Variants in DNASE1 observed in about 807,000 individuals in gnomAD.
DNASE1 encodes deoxyribonuclease-1.
Under a neutral mutation model 33.9 loss-of-function variants are expected in DNASE1, and 40 were observed. That is an observed-to-expected ratio of 1.18 (90% CI 0.92 to 1.54). DNASE1 has a LOEUF of 1.54. DNASE1 is among the 40% of genes most tolerant of loss of function. The pLI is 0.00. For synonymous variants in DNASE1, 216 were observed against 160.0 expected (o/e 1.35, Z -2.64); for missense variants, 518 against 372.6 (o/e 1.39, Z -3.21).
chr16:3,650,613 A>G (rs370885872), upstream of DNASE1: 5 of 149,216 alleles, frequency 3.4e-5, no homozygotes, highest in African/African-American at 7.4e-5. Flanking sequence ...CAAAAAAAAA[A>G]AAAAAAAGAA....
In DNASE1 at chr16:3,648,816, G is replaced by A. The variant is rs566358045; in HGVS notation, c.-86+5780G>A. ...TGTTTGCATGAATAAAAGATTGGATGTTTTATAGGATCTAAGGTCCATACA... is the reference window on the plus strand; with the variant it reads ...TGTTTGCATGAATAAAAGATTGGATATTTTATAGGATCTAAGGTCCATACA... On this transcript the variant is annotated intron_variant, in intron 1 of 9. Coordinates refer to the DNASE1 transcript ENST00000407479. Among the ~76,000 whole-genome samples, 278 of 152,242 alleles carry A rather than the reference G, an allele frequency of 1.8e-3. 1 individual carries two copies. Among genetic ancestry groups the A allele is most frequent in the Non-Finnish European group, 2.9e-3 (194 of 68,014 alleles).
At chr16:3,658,101 G>A, downstream of DNASE1, 4 of 1,611,746 alleles carry the variant, frequency 2.5e-6, no homozygotes, top group Non-Finnish European at 3.4e-6. Context: ...TGTCATCTGT[G>A]GTGTCAGTCC....
rs8176929 is a variant in DNASE1 at position 3,657,830 on chromosome 16, C to T, written c.801+14C>T. On this transcript the variant is annotated intron_variant, in intron 8 of 8. Transcript: ENST00000246949. Reference sequence around the variant, plus strand: ...AGTGACCAACTGGTATGTGTCCTCCCTTGCACAGCCACATGAGGATGGGAC... The same window carrying T: ...AGTGACCAACTGGTATGTGTCCTCCTTTGCACAGCCACATGAGGATGGGAC... 1 of 1,613,952 alleles carries T rather than the reference C, an allele frequency of 6.2e-7. No homozygotes were observed. The highest frequency in any genetic ancestry group is 1.1e-5 in the South Asian group (1 of 91,082).
intron 1 of DNASE1, among the ~76,000 whole-genome samples, chr16:3,643,824 C>T (rs1011904527): frequency 9.2e-5 from 14 of 152,110 alleles, no homozygotes; most frequent in East Asian, 3.9e-4. Context: ...TGCAGTGGCG[C>T]GATCTCGGCT....
At chr16:3,658,920 C>CCCTTCATGTTTT (rs1317619091), downstream of DNASE1, 28 of 1,573,758 alleles carry the variant, frequency 1.8e-5, no homozygotes, top group African/African-American at 3.2e-4. Flanking sequence ...CTGTGACCCT[C>CCCTTCATGTTTT]CCTTCATGTT....
intron 1 of DNASE1, among the ~76,000 whole-genome samples, chr16:3,617,717 G>A (rs373245826): frequency 1.3e-5 from 2 of 152,052 alleles, no homozygotes; most frequent in Admixed American, 1.3e-4. Flanking sequence ...AGGCGGAGGC[G>A]GGAGGATTGC....
chr16:3,660,552 A>C (rs1164712238), downstream of DNASE1: 2 of 152,158 alleles, frequency 1.3e-5, no homozygotes, highest in African/African-American at 2.4e-5. Context: ...AAACTAGTTA[A>C]AGTGACCTGG....
chr16:3,625,421 CA>C (rs2041477226), intron 1 of DNASE1, among the ~76,000 whole-genome samples: 1 of 152,082 alleles, frequency 6.6e-6, no homozygotes. Flanking sequence ...GGTTCAAGGC[CA>C]GCCTGGGCTG....
chr16:3,618,755 G>A (rs1596553328), intron 1 of DNASE1, among the ~76,000 whole-genome samples: 1 of 152,160 alleles, frequency 6.6e-6, no homozygotes, highest in African/African-American at 2.4e-5. Context: ...AAACAAAAAC[G>A]TGTACACCTC....
downstream of DNASE1, chr16:3,660,538 A>C (rs574809144): frequency 6.6e-6 from 1 of 152,196 alleles, no homozygotes; most frequent in Admixed American, 6.5e-5. Flanking sequence ...CTAGTTTGCC[A>C]CCAAAACTAG....
At chr16:3,629,550 T>C (rs772462697) in intron 1 of DNASE1, among the ~76,000 whole-genome samples, 1 of 152,218 alleles carries the variant, frequency 6.6e-6, no homozygotes, top group African/African-American at 2.4e-5. Flanking sequence ...TTTTATTTTA[T>C]TGAATGCCTG....
downstream of DNASE1, chr16:3,658,989 A>C: frequency 1.1e-6 from 1 of 928,282 alleles, no homozygotes; most frequent in African/African-American, 1.7e-5. Context: ...TTTTTAAATA[A>C]GGTATGTTAA....
intron 1 of DNASE1, among the ~76,000 whole-genome samples, chr16:3,648,376 C>G (rs979377310): frequency 6.6e-6 from 1 of 152,170 alleles, no homozygotes; most frequent in Non-Finnish European, 1.5e-5. Flanking sequence ...TCCTGGCTAA[C>G]ATGGTGAAAT....
Position 3,656,979 on chromosome 16 carries a change from C to T in DNASE1, c.437-20C>T, listed in dbSNP as rs149357200. On this transcript the variant is annotated intron_variant, in intron 5 of 8. Transcript: ENST00000246949. ...CTGCCCCCAGGGAGTGTGCCTCACACGACGTGGCTGTCTCCACAGAGGTCA... is the reference window on the plus strand; with the variant it reads ...CTGCCCCCAGGGAGTGTGCCTCACATGACGTGGCTGTCTCCACAGAGGTCA... The T allele has an allele frequency of 9.6e-4, 1,549 of 1,611,308 alleles. 3 individuals carry two copies. The highest frequency in any genetic ancestry group is 1.3e-3 in the Admixed American group (75 of 59,646).
chr16:3,649,392 G>C (rs749864223), intron 1 of DNASE1, among the ~76,000 whole-genome samples: 29 of 152,180 alleles, frequency 1.9e-4, no homozygotes, highest in Non-Finnish European at 3.4e-4. Context: ...TGAGTTCCTA[G>C]CATCCCCCTA....
chr16:3,638,104 AGTGTGTGTGTGTGTGTGTGT>A (rs58884007), upstream of DNASE1, among the ~76,000 whole-genome samples: 4 of 143,446 alleles, frequency 2.8e-5, no homozygotes, highest in South Asian at 2.3e-4. Context: ...AGTTTTTGTG[AGTGTGTGTGTGTGTGTGTGT>A]GTGTGTGTGT....
chr16:3,637,855 G>T (rs1299363436), intron 1 of DNASE1, among the ~76,000 whole-genome samples: 2 of 152,122 alleles, frequency 1.3e-5, no homozygotes, highest in East Asian at 3.9e-4. Flanking sequence ...CTGGGCTCCT[G>T]CTCAGGTAAG....
intron 1 of DNASE1, among the ~76,000 whole-genome samples, chr16:3,634,430 G>C (rs1291973016): frequency 6.7e-6 from 1 of 149,708 alleles, no homozygotes; most frequent in East Asian, 2.0e-4. Flanking sequence ...GGGTTTCACT[G>C]TATTAGCCAG....
intron 1 of DNASE1, among the ~76,000 whole-genome samples, chr16:3,617,693 C>T (rs564182836): frequency 9.9e-5 from 15 of 152,134 alleles, no homozygotes; most frequent in Non-Finnish European, 1.8e-4. Flanking sequence ...TGCCGGTAAT[C>T]CCAGCACTTT....
Sources: allele counts gnomAD v4.1 joint callset (sites outside exome capture counted in the v4.1 genomes callset), GRCh38; gene constraint gnomAD v4.1.1; transcripts MANE v1.5; gene names NCBI Gene and HGNC (gene_info 2026-07-23, HGNC 2026-07-21).